AGA: variants seen among roughly 807,000 people sequenced by gnomAD.
AGA encodes aspartylglucosaminidase.
In AGA, 31 loss-of-function variants were observed where a neutral mutation model predicts 40.1. The ratio of observed to expected loss-of-function variants is 0.77; its 90% confidence interval spans 0.58 to 1.04. The LOEUF (loss-of-function observed/expected upper bound fraction) is 1.04, where lower values mean the gene tolerates loss of function less well. Ranked by LOEUF, AGA falls within the 50% of genes least tolerant of loss-of-function variation. The pLI is 0.00. For synonymous variants in AGA, 148 were observed against 144.0 expected (o/e 1.03, Z -0.20); for missense variants, 445 against 435.4 (o/e 1.02, Z -0.20).
intron 2 of AGA, chr4:177,440,009 G>A (rs1031106719): frequency 1.7e-6 from 1 of 585,156 alleles, no homozygotes; most frequent in African/African-American, 1.9e-5. Flanking sequence ...GCAGATAAAT[G>A]ATTGTTTATA....
At chr4:177,437,779 C>G (rs1736872925) in intron 4 of AGA, among the ~76,000 whole-genome samples, 1 of 152,094 alleles carries the variant, frequency 6.6e-6, no homozygotes, top group Admixed American at 6.5e-5. Flanking sequence ...TCCCTAATTT[C>G]TCTCTTTATA....
intron 6 of AGA, 32 bp downstream of exon 6, chr4:177,436,244 T>G: frequency 1.3e-6 from 2 of 1,549,532 alleles, no homozygotes; most frequent in Non-Finnish European, 1.8e-6. Context: ...TCAGTGTATA[T>G]TTGAGAGCTC....
chr4:177,436,956 A>G (rs769521081), intron 5 of AGA: 12 of 222,420 alleles, frequency 5.4e-5, no homozygotes, highest in Admixed American at 4.7e-4. Flanking sequence ...GGCCCTTGCC[A>G]GATGCCAGTG....
Position 177,430,797 on chromosome 4 carries a change from T to A in AGA, c.*911A>T, listed in dbSNP as rs1736603763. 2.2e-6 allele frequency: 1 copy of A among 453,456 alleles called. No homozygotes were observed. Among genetic ancestry groups the A allele is most frequent in the African/African-American group, 2.0e-5 (1 of 49,982 alleles). 28.1% of individuals were successfully genotyped at this position (453,456 alleles called of 1,614,324 possible). On this transcript the variant is annotated 3_prime_UTR_variant, in exon 9 of 9. Coordinates refer to ENST00000264595, the MANE Select transcript of AGA (RefSeq NM_000027.4). ...AGTTTGAATATCGTACATGTACATT[T>A]ATTAATGACTGTTGATTAAAAAGAT...
At chr4:177,433,928 G>A (rs1736710501) in intron 7 of AGA, among the ~76,000 whole-genome samples, 2 of 151,648 alleles carry the variant, frequency 1.3e-5, no homozygotes, top group African/African-American at 2.4e-5. Flanking sequence ...CAACAAGTTT[G>A]TATGCAGTTT....
chr4:177,431,435 A>T lies in AGA; in HGVS notation c.*273T>A. ...TCTCAAAGTAGCAATTTTTTGCAACACTGATCAGAAATCCAAGTGTCACTT... is the reference window on the plus strand; with the variant it reads ...TCTCAAAGTAGCAATTTTTTGCAACTCTGATCAGAAATCCAAGTGTCACTT... On this transcript the variant is annotated 3_prime_UTR_variant, in exon 9 of 9. Transcript: ENST00000264595. 1 of 473,546 alleles carries T rather than the reference A, an allele frequency of 2.1e-6. No homozygotes were observed. The highest frequency in any genetic ancestry group is 3.9e-6 in the Non-Finnish European group (1 of 256,166). 29.3% of individuals were successfully genotyped at this position (473,546 alleles called of 1,614,324 possible).
At position 177,432,549 on chromosome 4, in the gene AGA, T is replaced by C. The variant is rs150840616; in HGVS notation, c.940+665A>G. ...ATTCCTCAAACAAGTTTTTCAAATA[T>C]AGAACTGTGGGAAGTAAAAGATCAA... On this transcript the variant is annotated intron_variant, in intron 8 of 8. Coordinates refer to ENST00000264595, the MANE Select transcript of AGA (RefSeq NM_000027.4). 2.2e-3 allele frequency among the ~76,000 whole-genome samples: 330 copies of C among 152,282 alleles called. 2 individuals carry two copies. The highest frequency in any genetic ancestry group is 7.6e-3 in the African/African-American group (318 of 41,582).
In AGA at chr4:177,439,667, T is replaced by A. The variant is rs142449515; in HGVS notation, c.303A>T (p.Ala101=). 435 of 1,613,590 alleles carry A rather than the reference T, an allele frequency of 2.7e-4. 1 individual carries two copies. In the African/African-American group the frequency reaches 5.3e-3, roughly 20 times the overall value. Residue 101 remains alanine, a synonymous_variant, in exon 3 of 9, where the codon GCA becomes GCT. Coordinates refer to ENST00000264595, the MANE Select transcript of AGA (RefSeq NM_000027.4). ...IMDGTTMDVG[A]VGDLRRIKNA... ...TTTTAATTCGTCTGAGATCTCCTACTGCTCCTACATCCATAGTAGTGCTGC... is the reference window on the plus strand; with the variant it reads ...TTTTAATTCGTCTGAGATCTCCTACAGCTCCTACATCCATAGTAGTGCTGC...
At chr4:177,435,845 G>A (rs1189709571) in intron 6 of AGA, among the ~76,000 whole-genome samples, 5 of 24,060 alleles carry the variant, frequency 2.1e-4, no homozygotes, top group Middle Eastern at 0.025. Context: ...GTAGTTCTGC[G>A]TGCACGCACA....
At chr4:177,434,874 T>C (rs887706391) in intron 6 of AGA, among the ~76,000 whole-genome samples, 1 of 151,058 alleles carries the variant, frequency 6.6e-6, no homozygotes, top group Non-Finnish European at 1.5e-5. Context: ...TTAATAACAA[T>C]AGAGTGCACA....
chr4:177,434,552 C>A, intron 6 of AGA, 63 bp from the exon 7 acceptor site: 2 of 1,367,100 alleles, frequency 1.5e-6, no homozygotes, highest in South Asian at 2.3e-5. Flanking sequence ...AAGTCATAAG[C>A]TGTTCCAAAT....
chr4:177,440,086 T>G (rs1358012435), intron 2 of AGA, 187 bp downstream of exon 2: 12 of 678,558 alleles, frequency 1.8e-5, no homozygotes, highest in South Asian at 1.4e-4. Context: ...TCTCTCCATG[T>G]GATATTTCTA....
At chr4:177,442,077 G>A (rs749684236) in intron 1 of AGA, among the ~76,000 whole-genome samples, 172 bp downstream of exon 1, 1 of 152,206 alleles carries the variant, frequency 6.6e-6, no homozygotes, top group Admixed American at 6.5e-5. Context: ...CCACTTGCAA[G>A]AGACTGAGCG....
chr4:177,438,214 G>A (rs538760660), intron 4 of AGA, among the ~76,000 whole-genome samples: 3 of 152,180 alleles, frequency 2.0e-5, no homozygotes, highest in African/African-American at 7.2e-5. Context: ...AAGTAATTAG[G>A]ACTTAGGGAA....
In AGA at chr4:177,431,456, C is replaced by T; in HGVS notation, c.*252G>A. 2.0e-6 allele frequency: 1 copy of T among 509,258 alleles called. No homozygotes were observed. The highest frequency in any genetic ancestry group is 3.6e-6 in the Non-Finnish European group (1 of 279,438). 31.5% of individuals were successfully genotyped at this position (509,258 alleles called of 1,614,324 possible). On this transcript the variant is annotated 3_prime_UTR_variant, in exon 9 of 9. Coordinates refer to ENST00000264595, the MANE Select transcript of AGA (RefSeq NM_000027.4). ...CAACACTGATCAGAAATCCAAGTGT[C>T]ACTTAAAACTTAAATATATACAAAA...
intron 7 of AGA, 130 bp downstream of exon 7, chr4:177,434,252 C>T (rs930048095): frequency 9.6e-6 from 8 of 835,498 alleles, no homozygotes; most frequent in Non-Finnish European, 1.6e-5. Flanking sequence ...ATCCACCTGC[C>T]TCAGTCTCCC....
chr4:177,434,264 A>G, intron 7 of AGA, 118 bp downstream of exon 7: 1 of 955,722 alleles, frequency 1.0e-6, no homozygotes, highest in East Asian at 2.5e-5. Context: ...CAGTCTCCCA[A>G]AATGCTAGGA....
intron 6 of AGA, 65 bp from the exon 7 acceptor site, chr4:177,434,554 G>A: frequency 7.4e-7 from 1 of 1,345,684 alleles, no homozygotes; most frequent in Non-Finnish European, 1.1e-6. Context: ...GTCATAAGCT[G>A]TTCCAAATAA....
chr4:177,437,988 G>C (rs1736879262), intron 4 of AGA, among the ~76,000 whole-genome samples: 1 of 152,126 alleles, frequency 6.6e-6, no homozygotes, highest in Non-Finnish European at 1.5e-5. Flanking sequence ...ATTCTAAGTT[G>C]TGCTTTAAGA....
Sources: allele counts gnomAD v4.1 joint callset (sites outside exome capture counted in the v4.1 genomes callset), GRCh38; gene constraint gnomAD v4.1.1; transcripts MANE v1.5; gene names NCBI Gene and HGNC (gene_info 2026-07-23, HGNC 2026-07-21).